Variants in DHX15 observed in about 807,000 individuals in gnomAD.
DHX15 encodes the protein ATP-dependent RNA helicase DHX15.
In DHX15, 11 loss-of-function variants were observed where a neutral mutation model predicts 94.4. That is an observed-to-expected ratio of 0.12 (90% confidence interval 0.07 to 0.19). The LOEUF (loss-of-function observed/expected upper bound fraction) is 0.19, where lower values mean the gene tolerates loss of function less well. Ranked by LOEUF, DHX15 falls within the 10% of genes least tolerant of loss-of-function variation. The pLI, the probability that DHX15 is intolerant of heterozygous loss-of-function variation, is 1.00. For missense variants in DHX15, 304 were observed against 988.5 expected (o/e 0.31, Z 9.29); for synonymous variants, 338 against 329.9 (o/e 1.02, Z -0.27).
chr4:24,581,324 G>A (rs556553289), intron 1 of DHX15, among the ~76,000 whole-genome samples: 2 of 152,226 alleles, frequency 1.3e-5, no homozygotes, highest in South Asian at 2.1e-4. Context: ...CATTGCGCCC[G>A]GCCTATGGCA....
chr4:24,581,869 A>C (rs1722423036), intron 1 of DHX15, among the ~76,000 whole-genome samples: 1 of 152,206 alleles, frequency 6.6e-6, no homozygotes, highest in Non-Finnish European at 1.5e-5. Context: ...TATGCAACAG[A>C]AACCTATAAT....
intron 3 of DHX15, among the ~76,000 whole-genome samples, chr4:24,567,904 T>C (rs1216670900): frequency 6.6e-6 from 1 of 152,254 alleles, no homozygotes; most frequent in African/African-American, 2.4e-5. Flanking sequence ...GGCAGCTTTG[T>C]AAACTTACTT....
rs560686149 is a variant in DHX15 at position 24,561,976 on chromosome 4, C to T, written c.702-5566G>A. 8.6e-5 allele frequency among the ~76,000 whole-genome samples: 13 copies of T among 151,860 alleles called. No individual in the cohort carries two copies. The South Asian group carries it at 2.5e-3, about 29-fold the overall frequency. ...GAAATCCCATCTCTACCAAAAAATA[C>T]AAAAATTCACCAGGCGTGGTGGCGT... On this transcript the variant is annotated intron_variant, in intron 3 of 13. Transcript: ENST00000336812.
chr4:24,576,375 A>T lies in DHX15; in HGVS notation c.375T>A (p.Pro125=). Residue 125 remains proline (P), a synonymous_variant, in exon 2 of 14, where the codon CCT becomes CCA. Transcript: ENST00000336812. Reference sequence around the variant, plus strand: ...GTTTCTTTAGAATATCATAGTATCGAGGAGTATGGGGTAAGTTGGTGAACG... The same window carrying T: ...GTTTCTTTAGAATATCATAGTATCGTGGAGTATGGGGTAAGTTGGTGAACG... ...INPFTNLPHT[P]RYYDILKKRL... The T allele has an allele frequency of 6.2e-7, 1 of 1,614,174 alleles. No individual in the cohort carries two copies. Among genetic ancestry groups the T allele is most frequent in the Non-Finnish European group, 8.5e-7 (1 of 1,180,030 alleles).
chr4:24,557,973 G>T (rs1045177926), intron 3 of DHX15, among the ~76,000 whole-genome samples: 1 of 115,784 alleles, frequency 8.6e-6, no homozygotes. Flanking sequence ...CTGTTGATTT[G>T]CAAGGCAAAA....
At chr4:24,554,656 T>C in intron 5 of DHX15, 69 bp downstream of exon 5, 1 of 1,132,410 alleles carries the variant, frequency 8.8e-7, no homozygotes, top group Admixed American at 2.1e-5. Flanking sequence ...CATGTTCTTA[T>C]GATTAAGGTT....
Position 24,545,519 on chromosome 4 carries a change from CAA to C in DHX15, c.1249-2495_1249-2494del, listed in dbSNP as rs145788763. 7.2e-3 allele frequency among the ~76,000 whole-genome samples: 1,098 copies of C among 152,210 alleles called. 13 individuals are homozygous for C. The highest frequency in any genetic ancestry group is 0.025 in the African/African-American group (1,050 of 41,538). ...ATATTAGTAAGAGCCTATTGCCAGCCAAAAGTCAAACCCTAAAATACAAGTGT... is the reference window on the plus strand; with the variant it reads ...ATATTAGTAAGAGCCTATTGCCAGCCAAGTCAAACCCTAAAATACAAGTGT... On this transcript the variant is annotated intron_variant, in intron 6 of 13. Transcript: ENST00000336812.
In DHX15 at chr4:24,584,512, C is replaced by G; in HGVS notation, c.-119G>C. 1 of 990,566 alleles carries G rather than the reference C, an allele frequency of 1.0e-6. No homozygotes were observed. The highest frequency in any genetic ancestry group is 3.2e-5 in the East Asian group (1 of 31,374). 61.4% of individuals were successfully genotyped at this position (990,566 alleles called of 1,614,324 possible). Reference sequence around the variant, plus strand: ...ACCCCTCCCGCTACTACAGCCCACACGGTGCGGCCGGAACCAACAGCTAAA... The same window carrying G: ...ACCCCTCCCGCTACTACAGCCCACAGGGTGCGGCCGGAACCAACAGCTAAA... On this transcript the variant is annotated 5_prime_UTR_variant, in exon 1 of 14. Transcript: ENST00000336812.
Position 24,527,880 on chromosome 4 carries a change from T to C in DHX15, c.*44A>G, listed in dbSNP as rs1345444399. On this transcript the variant is annotated 3_prime_UTR_variant, in exon 14 of 14. Transcript: ENST00000336812. The stretch of plus-strand genomic sequence containing the variant: ...ACTCGAACTTTTGAGTTCATTCATC[T>C]TTTAAAGCTGTCCTCTCAATAACTT... 4 of 1,435,654 alleles carry C rather than the reference T, an allele frequency of 2.8e-6. No individual in the cohort carries two copies. The highest frequency in any genetic ancestry group is 3.9e-6 in the Non-Finnish European group (4 of 1,020,320). 88.9% of individuals were successfully genotyped at this position (1,435,654 alleles called of 1,614,324 possible).
At chr4:24,558,607 GACAATTCCCAA>G (rs1275782070) in intron 3 of DHX15, among the ~76,000 whole-genome samples, 19 of 152,100 alleles carry the variant, frequency 1.2e-4, no homozygotes, top group Non-Finnish European at 1.8e-4. Flanking sequence ...CTATCATCCA[GACAATTCCCAA>G]TGGTTCCTCA....
chr4:24,580,962 A>T (rs1417387513), intron 1 of DHX15: 1 of 152,142 alleles, frequency 6.6e-6, no homozygotes, highest in African/African-American at 2.4e-5. Flanking sequence ...AATGAACAGG[A>T]TATTGGTTAA....
At chr4:24,547,909 A>ATCTATGTATC (rs1447942034) in intron 6 of DHX15, among the ~76,000 whole-genome samples, 1 of 83,370 alleles carries the variant, frequency 1.2e-5, no homozygotes, top group Non-Finnish European at 2.6e-5. Flanking sequence ...ATGTGTATAT[A>ATCTATGTATC]TATATATATA....
chr4:24,559,375 T>TAA (rs535455690), intron 3 of DHX15, among the ~76,000 whole-genome samples: 20,128 of 92,742 alleles, frequency 0.22, 1,770 homozygotes, highest in East Asian at 0.43. Context: ...TTTAAGCCAC[T>TAA]AAAAAAAAAA....
At chr4:24,547,445 G>A (rs2109400739) in intron 6 of DHX15, among the ~76,000 whole-genome samples, 1 of 152,178 alleles carries the variant, frequency 6.6e-6, no homozygotes, top group South Asian at 2.1e-4. Flanking sequence ...TTACTTCAAC[G>A]ACAGCAAGAG....
At chr4:24,543,991 TA>T (rs1721372173) in intron 6 of DHX15, among the ~76,000 whole-genome samples, 1 of 152,098 alleles carries the variant, frequency 6.6e-6, no homozygotes, top group Non-Finnish European at 1.5e-5. Context: ...CTGTGAAATT[TA>T]AAAAGGTTTA....
At chr4:24,560,504 T>C (rs1431568792) in intron 3 of DHX15, among the ~76,000 whole-genome samples, 1 of 152,172 alleles carries the variant, frequency 6.6e-6, no homozygotes, top group Non-Finnish European at 1.5e-5. Context: ...CAAGTCTCTA[T>C]GTAGCATGAA....
chr4:24,540,044 C>A, intron 10 of DHX15, 64 bp downstream of exon 10: 2 of 1,275,288 alleles, frequency 1.6e-6, no homozygotes, highest in East Asian at 2.6e-5. Context: ...AAAACAAAAA[C>A]AAAAGTGAAG....
At chr4:24,540,449 G>A (rs1402369418) in intron 9 of DHX15, 150 bp from the exon 10 acceptor site, 4 of 647,340 alleles carry the variant, frequency 6.2e-6, no homozygotes, top group Non-Finnish European at 9.9e-6. Context: ...TACAGATCTA[G>A]CAAACAATGA....
At chr4:24,532,826 T>G in intron 12 of DHX15, 38 bp downstream of exon 12, 1 of 1,462,388 alleles carries the variant, frequency 6.8e-7, no homozygotes, top group Non-Finnish European at 9.3e-7. Flanking sequence ...CAGTGTCATA[T>G]GAATACTTAG....
Sources: gnomAD v4.1 joint callset for allele counts (sites outside exome capture counted in the v4.1 genomes callset) on GRCh38, gnomAD v4.1.1 for gene constraint, MANE v1.5 for transcripts, NCBI Gene and HGNC (gene_info 2026-07-23, HGNC 2026-07-21) for gene names.